Variants in ROR2 observed in about 807,000 individuals in gnomAD.
ROR2 encodes the protein ROR family WNT receptor 2.
In ROR2, 33 loss-of-function variants were observed where a neutral mutation model predicts 74.9. The ratio of observed to expected loss-of-function variants is 0.44; its 90% CI spans 0.33 to 0.59. ROR2 has a LOEUF of 0.59. Ranked by LOEUF, ROR2 falls within the 20% of genes least tolerant of loss-of-function variation. The pLI, the probability that ROR2 is intolerant of heterozygous loss-of-function variation, is 0.02. For synonymous variants in ROR2, 586 were observed against 558.7 expected, an observed-to-expected ratio of 1.05 and a Z score of -0.69; for missense variants, 1,216 against 1,313.8, an observed-to-expected ratio of 0.93 and a Z score of 1.15.
chr9:91,941,392 T>G (rs915417449), intron 1 of ROR2, among the ~76,000 whole-genome samples: 7 of 152,228 alleles, frequency 4.6e-5, no homozygotes, highest in Non-Finnish European at 1.5e-5. Context: ...TTCACTAATG[T>G]GTCACTCTTG....
intron 4 of ROR2, among the ~76,000 whole-genome samples, chr9:91,746,535 C>T (rs892053174): frequency 6.6e-6 from 1 of 152,178 alleles, no homozygotes; most frequent in Non-Finnish European, 1.5e-5. Flanking sequence ...GGCAGCTGGC[C>T]GAATTCCGTG....
chr9:91,949,876 G>A lies in ROR2; in HGVS notation c.88C>T (p.Arg30Trp). 3 of 1,539,086 alleles carry A rather than the reference G, an allele frequency of 1.9e-6. No homozygotes were observed. Among genetic ancestry groups the A allele is most frequent in the Non-Finnish European group, 2.6e-6 (3 of 1,138,996 alleles). The change falls in exon 1 of 9, where the codon CGG (arginine) becomes TGG (tryptophan). Residue 30 changes from arginine to tryptophan, a missense_variant. Arg to Trp is a moderately radical substitution (Grantham distance 101). Coordinates refer to ENST00000375708, the MANE Select transcript of ROR2 (RefSeq NM_004560.4). ...AAAALLLSVSRTSGEVEVLDP... is the reference protein window; with the variant it reads ...AAAALLLSVSWTSGEVEVLDP... ...GAACGCCAGATCCTACCTGAAGTCCGGGACACTGAGAGCAGAAGCGCGGCG... is the reference window on the plus strand; with the variant it reads ...GAACGCCAGATCCTACCTGAAGTCCAGGACACTGAGAGCAGAAGCGCGGCG...
At chr9:91,826,783 CAAAAA>C (rs576119100) in intron 1 of ROR2, among the ~76,000 whole-genome samples, 1 of 123,404 alleles carries the variant, frequency 8.1e-6, no homozygotes, top group Non-Finnish European at 1.7e-5. Flanking sequence ...GACTCCGTCT[CAAAAA>C]AAAAAAGAAA....
chr9:91,758,523 G>C (rs1377591893), intron 2 of ROR2, among the ~76,000 whole-genome samples: 2 of 152,196 alleles, frequency 1.3e-5, no homozygotes, highest in Admixed American at 1.3e-4. Flanking sequence ...TGCTGATGAG[G>C]GGGAGCTGAA....
intron 1 of ROR2, chr9:91,883,259 T>C (rs139617436): frequency 7.9e-5 from 12 of 152,290 alleles, no homozygotes; most frequent in Non-Finnish European, 1.8e-4. Context: ...CATCACTACC[T>C]TGGAAGACGA....
intron 2 of ROR2, among the ~76,000 whole-genome samples, chr9:91,765,305 CT>C (rs1826027895): frequency 6.6e-6 from 1 of 152,100 alleles, no homozygotes. Context: ...TGTTTGGTTC[CT>C]TTTCAAATCC....
chr9:91,821,586 G>A (rs562523072), intron 1 of ROR2, among the ~76,000 whole-genome samples: 2 of 152,202 alleles, frequency 1.3e-5, no homozygotes, highest in South Asian at 2.1e-4. Flanking sequence ...AGGCCCACAT[G>A]CTCACCTGTG....
intron 4 of ROR2, among the ~76,000 whole-genome samples, chr9:91,746,336 CA>C (rs1654297010): frequency 6.6e-6 from 1 of 152,210 alleles, no homozygotes; most frequent in Admixed American, 6.5e-5. Flanking sequence ...CCTGGCCTCC[CA>C]AAGTGCTGGG....
At chr9:91,739,617 T>C (rs1348115667) in intron 4 of ROR2, among the ~76,000 whole-genome samples, 2 of 151,206 alleles carry the variant, frequency 1.3e-5, no homozygotes, top group African/African-American at 2.4e-5. Flanking sequence ...ACACTTGCAA[T>C]AGTGAAGACC....
intron 1 of ROR2, among the ~76,000 whole-genome samples, chr9:91,852,447 T>C (rs1227755155): frequency 6.6e-6 from 1 of 152,230 alleles, no homozygotes; most frequent in Non-Finnish European, 1.5e-5. Context: ...CTATGACTGC[T>C]GTAAAGCAAT....
intron 1 of ROR2, among the ~76,000 whole-genome samples, chr9:91,795,739 T>G (rs1169528741): frequency 1.3e-5 from 2 of 152,226 alleles, no homozygotes; most frequent in African/African-American, 4.8e-5. Context: ...TAATTACCAC[T>G]GGGTGATGTG....
At chr9:91,810,843 G>A (rs1243564435) in intron 1 of ROR2, among the ~76,000 whole-genome samples, 1 of 152,190 alleles carries the variant, frequency 6.6e-6, no homozygotes, top group Non-Finnish European at 1.5e-5. Context: ...ACCCCACTTC[G>A]CTGTGAGGAA....
intron 1 of ROR2, among the ~76,000 whole-genome samples, chr9:91,900,576 A>G (rs1420069070): frequency 6.6e-6 from 1 of 152,234 alleles, no homozygotes. Flanking sequence ...GGAGGCGGGA[A>G]AACGACAAGC....
chr9:91,885,868 C>CTTTTT (rs542499117), intron 1 of ROR2, among the ~76,000 whole-genome samples: 6 of 108,140 alleles, frequency 5.5e-5, no homozygotes, highest in South Asian at 3.2e-4. Context: ...GTATGGTTTC[C>CTTTTT]TTTTTTTTTT....
At chr9:91,949,074 C>T (rs1017057624) in intron 1 of ROR2, among the ~76,000 whole-genome samples, 1 of 151,628 alleles carries the variant, frequency 6.6e-6, no homozygotes, top group African/African-American at 2.4e-5. Context: ...ACCTAGGAGC[C>T]GGGCCCCGCC....
chr9:91,842,677 T>C (rs1258577185), intron 1 of ROR2, among the ~76,000 whole-genome samples: 4 of 152,258 alleles, frequency 2.6e-5, no homozygotes, highest in Non-Finnish European at 5.9e-5. Context: ...AATATTCCAG[T>C]ATCTTAATTC....
chr9:91,837,280 G>A (rs1828639270), intron 1 of ROR2, among the ~76,000 whole-genome samples: 1 of 152,170 alleles, frequency 6.6e-6, no homozygotes, highest in Non-Finnish European at 1.5e-5. Context: ...CACCATGTTA[G>A]CCAGGATGGT....
chr9:91,786,799 T>C (rs1470897333), intron 1 of ROR2, among the ~76,000 whole-genome samples: 3 of 152,186 alleles, frequency 2.0e-5, no homozygotes, highest in Non-Finnish European at 4.4e-5. Context: ...AGCAAACTGC[T>C]GGCAACCTCA....
intron 1 of ROR2, among the ~76,000 whole-genome samples, chr9:91,909,847 G>GTTTTTTGTTTTTT (rs1564032282): frequency 7.3e-4 from 39 of 53,606 alleles, no homozygotes; most frequent in Non-Finnish European, 1.0e-3. Context: ...GGTTTGTTTT[G>GTTTTTTGTTTTTT]TTTTTTTTTT....
Sources: allele counts gnomAD v4.1 joint callset (sites outside exome capture counted in the v4.1 genomes callset), GRCh38; gene constraint gnomAD v4.1.1; transcripts MANE v1.5; gene names NCBI Gene and HGNC (gene_info 2026-07-23, HGNC 2026-07-21).